The following FAM120C variants were observed in gnomAD, a reference collection of about 807,000 sequenced individuals.
FAM120C encodes the protein constitutive coactivator of PPAR-gamma-like protein 2.
A neutral mutation model predicts 71.2 loss-of-function variants in FAM120C; 14 were observed. The ratio of observed to expected loss-of-function variants is 0.20; its 90% CI spans 0.13 to 0.31. The LOEUF (loss-of-function observed/expected upper bound fraction) is 0.31, where lower values mean the gene tolerates loss of function less well. FAM120C is among the 10% of genes least tolerant of loss of function. The pLI is 1.00. For missense variants in FAM120C, 500 were observed against 879.0 expected, an observed-to-expected ratio of 0.57 and a Z score of 5.45; for synonymous variants, 354 against 353.2, an observed-to-expected ratio of 1.00 and a Z score of -0.03.
intron 10 of FAM120C, 27 bp downstream of exon 10, chrX:54,116,518 A>G: frequency 5.9e-6 from 7 of 1,189,438 alleles, no homozygotes; most frequent in Non-Finnish European, 7.9e-6. Flanking sequence ...GAGAAAGAAC[A>G]GGCCACCTGC....
At position 54,183,207 on chromosome X, in the gene FAM120C, G is replaced by A. The variant is rs1336617149; in HGVS notation, c.-9C>T. 8 of 1,083,355 alleles carry A rather than the reference G, an allele frequency of 7.4e-6. No homozygotes were observed. Among genetic ancestry groups the A allele is most frequent in the Non-Finnish European group, 8.4e-6 (7 of 833,580 alleles). The allele number at this position is 1,083,355 out of a possible 1,213,427, so 89.3% of individuals were successfully genotyped here. ...AAGCCCTGGACACCCATGCTTCGTC[G>A]GTGGGCAGACGCGATAGCGGCTGCG... is the stretch of plus-strand genomic sequence containing the variant. On this transcript the variant is annotated 5_prime_UTR_variant, in exon 1 of 16. Coordinates refer to ENST00000375180, the MANE Select transcript of FAM120C (RefSeq NM_017848.6).
At chrX:54,097,671 ATCT>A (rs1368626994) in intron 10 of FAM120C, among the ~76,000 whole-genome samples, 2 of 111,894 alleles carry the variant, frequency 1.8e-5, no homozygotes, top group African/African-American at 6.5e-5. Flanking sequence ...ACAGTTACTG[ATCT>A]TCTCCTTTTT....
At chrX:54,078,281 C>T (rs1557120924) in intron 15 of FAM120C, among the ~76,000 whole-genome samples, 1 of 110,730 alleles carries the variant, frequency 9.0e-6, no homozygotes, top group East Asian at 2.8e-4. Context: ...TCAGGCTTTT[C>T]AGACTGTATG....
At chrX:54,125,586 G>A (rs781981541) in intron 9 of FAM120C, among the ~76,000 whole-genome samples, 7 of 113,179 alleles carry the variant, frequency 6.2e-5, no homozygotes, top group Admixed American at 2.8e-4. Flanking sequence ...GATTACAAGC[G>A]TGAGCGGCCA....
chrX:54,147,673 T>A (rs1249133754), intron 4 of FAM120C: 4 of 115,859 alleles, frequency 3.5e-5, no homozygotes, highest in African/African-American at 9.7e-5. Context: ...TTTCAATGAT[T>A]GGTCACGCAA....
intron 1 of FAM120C, among the ~76,000 whole-genome samples, chrX:54,169,358 G>A (rs2067275674): frequency 9.0e-6 from 1 of 111,536 alleles, no homozygotes; most frequent in African/African-American, 3.3e-5. Flanking sequence ...AACTGGAAAA[G>A]TGGGCATAAT....
At chrX:54,099,730 C>A (rs1354548085) in intron 10 of FAM120C, among the ~76,000 whole-genome samples, 1 of 111,909 alleles carries the variant, frequency 8.9e-6, no homozygotes, top group Non-Finnish European at 1.9e-5. Flanking sequence ...GACTATTTTT[C>A]CCCCATTGAA....
intron 9 of FAM120C, among the ~76,000 whole-genome samples, chrX:54,118,668 T>C (rs1261753069): frequency 1.9e-5 from 2 of 104,889 alleles, no homozygotes; most frequent in African/African-American, 7.0e-5. Flanking sequence ...TGATATTTCA[T>C]TGTGGTTTTA....
intron 10 of FAM120C, among the ~76,000 whole-genome samples, 183 bp downstream of exon 10, chrX:54,116,362 A>G (rs2066967978): frequency 8.9e-6 from 1 of 111,920 alleles, no homozygotes; most frequent in Non-Finnish European, 1.9e-5. Flanking sequence ...GCATGGACCG[A>G]TATGACCAAG....
chrX:54,125,592 G>A (rs782161339), intron 9 of FAM120C, among the ~76,000 whole-genome samples: 4 of 113,051 alleles, frequency 3.5e-5, no homozygotes, highest in South Asian at 3.6e-4. Context: ...AAGCGTGAGC[G>A]GCCATGCCTG....
chrX:54,105,360 C>G (rs781914790), intron 10 of FAM120C, among the ~76,000 whole-genome samples: 14 of 111,431 alleles, frequency 1.3e-4, no homozygotes, highest in Non-Finnish European at 2.3e-4. Context: ...ATTCAACAGC[C>G]CTTCATGCTA....
intron 13 of FAM120C, among the ~76,000 whole-genome samples, chrX:54,082,972 A>G (rs781813561): frequency 9.1e-6 from 1 of 109,697 alleles, no homozygotes; most frequent in East Asian, 3.0e-4. Flanking sequence ...CAAAAAAATT[A>G]GCCAGGCGTG....
chrX:54,135,350 G>C (rs1557130355), intron 6 of FAM120C, among the ~76,000 whole-genome samples, 178 bp downstream of exon 6: 1 of 111,899 alleles, frequency 8.9e-6, no homozygotes, highest in East Asian at 2.8e-4. Flanking sequence ...ACAATGACTA[G>C]TGGTTACTGA....
intron 3 of FAM120C, 66 bp downstream of exon 3, chrX:54,157,623 C>T (rs2067216746): frequency 2.7e-6 from 2 of 730,143 alleles, no homozygotes; most frequent in Non-Finnish European, 4.1e-6. Context: ...GATAATTATT[C>T]CATCAAAACT....
At chrX:54,136,916 C>T (rs782657892) in intron 4 of FAM120C, among the ~76,000 whole-genome samples, 2 of 109,429 alleles carry the variant, frequency 1.8e-5, no homozygotes, top group East Asian at 5.7e-4. Flanking sequence ...TGGTGTCTTT[C>T]CTTACAGTAT....
intron 10 of FAM120C, among the ~76,000 whole-genome samples, chrX:54,106,751 A>C (rs2066908870): frequency 1.8e-5 from 2 of 112,422 alleles, no homozygotes; most frequent in Non-Finnish European, 3.7e-5. Flanking sequence ...ATATGAACAG[A>C]CACTTCTCAA....
At chrX:54,104,724 C>T (rs2066897748) in intron 10 of FAM120C, among the ~76,000 whole-genome samples, 1 of 109,533 alleles carries the variant, frequency 9.1e-6, no homozygotes, top group South Asian at 4.0e-4. Flanking sequence ...AGGAGAATCG[C>T]TTGAACCTGG....
intron 1 of FAM120C, among the ~76,000 whole-genome samples, chrX:54,176,716 A>T (rs782550129): frequency 8.9e-6 from 1 of 112,074 alleles, no homozygotes; most frequent in Non-Finnish European, 1.9e-5. Context: ...CTGATTCTAA[A>T]TTCTTCATCT....
intron 4 of FAM120C, among the ~76,000 whole-genome samples, chrX:54,148,698 C>T (rs182828809): frequency 4.5e-5 from 5 of 111,448 alleles, no homozygotes; most frequent in Admixed American, 1.9e-4. Context: ...AAAACTATGA[C>T]GAGCTACCAC....
Sources: gnomAD v4.1 joint callset for allele counts (sites outside exome capture counted in the v4.1 genomes callset) on GRCh38, gnomAD v4.1.1 for gene constraint, MANE v1.5 for transcripts, NCBI Gene and HGNC (gene_info 2026-07-23, HGNC 2026-07-21) for gene names.